YARS2: variants seen among roughly 807,000 people sequenced by gnomAD.
YARS2 encodes the protein tyrosine--tRNA ligase, mitochondrial.
Under a neutral mutation model 45.0 loss-of-function variants are expected in YARS2, and 38 were observed. The observed-to-expected ratio is 0.84, with a 90% CI of 0.65 to 1.11. The LOEUF (loss-of-function observed/expected upper bound fraction) is 1.11, where lower values mean the gene tolerates loss of function less well. Ranked by LOEUF, YARS2 falls within the 50% of genes least tolerant of loss-of-function variation. The pLI is 0.00. For missense variants in YARS2, 602 were observed against 599.8 expected (o/e 1.00, Z -0.04); for synonymous variants, 287 against 245.1 (o/e 1.17, Z -1.60).
rs758765794 is a variant in YARS2 at position 32,747,306 on chromosome 12, AG to A, written c.1331del (p.Pro444LeufsTer5). On this transcript the variant is annotated frameshift_variant, in exon 5 of 5. Transcript: ENST00000324868. LOFTEE classifies it high-confidence loss of function. ...VSINHQQVTN[P>X]ESVLIVGQHI... is the part of the protein sequence containing the mutation. The stretch of plus-strand genomic sequence containing the variant: ...GTTGTCCAACAATTAAAACACTCTC[AG>A]GATTTGTTACTTGTTGGTGATTTAT... 6.2e-7 allele frequency: 1 copy of A among 1,614,144 alleles called. No homozygotes were observed. The highest frequency in any genetic ancestry group is 8.5e-7 in the Non-Finnish European group (1 of 1,180,014).
intron 2 of YARS2, among the ~76,000 whole-genome samples, 197 bp downstream of exon 2, chr12:32,753,717 CCACT>C (rs1456951267): frequency 2.6e-5 from 4 of 152,140 alleles, no homozygotes; most frequent in South Asian, 2.1e-4. Context: ...TTCTAGCCAC[CCACT>C]GTTTTTCTGC....
chr12:32,754,015 T>C lies in YARS2; in HGVS notation c.850A>G (p.Lys284Glu). Residue 284 changes from lysine (K) to glutamate (E), a missense_variant, in exon 2 of 5, where the codon AAG becomes GAG. Physicochemically the swap from Lys to Glu is moderately conservative, Grantham distance 56. Coordinates refer to ENST00000324868, the MANE Select transcript of YARS2 (RefSeq NM_001040436.3). Reference protein sequence around the residue: ...ITSTTGAKLGKSAGNAVWLNR... With the variant: ...ITSTTGAKLGESAGNAVWLNR... ...AGCCAAACAGCGTTGCCAGCAGACT[T>C]TCCCAGCTTTGCTCCAGTTGTACTT... The C allele has an allele frequency of 6.2e-7, 1 of 1,614,190 alleles. No homozygotes were observed. The highest frequency in any genetic ancestry group is 8.5e-7 in the Non-Finnish European group (1 of 1,180,034).
chr12:32,755,788 A>T lies in YARS2; in HGVS notation c.87T>A (p.Arg29=). The T allele has an allele frequency of 6.2e-7, 1 of 1,613,860 alleles. No homozygotes were observed. Among genetic ancestry groups the T allele is most frequent in the Non-Finnish European group, 8.5e-7 (1 of 1,180,004 alleles). ...ACCCCTGAGCGCCCGAGTGGGCCTT[A>T]CGCAGCCCCAAGGGCAACAATACTG... The part of the protein sequence containing the change: ...NLSVLLPLGL[R]KAHSGAQGLL... The change falls in exon 1 of 5, where the codon CGT becomes CGA. Residue 29 remains arginine, a synonymous_variant. Transcript: ENST00000324868.
chr12:32,754,022 CT>C lies in YARS2; in HGVS notation c.842del (p.Lys281SerfsTer12), dbSNP rs768344665. 1.7e-4 allele frequency: 281 copies of C among 1,614,194 alleles called. No individual in the cohort carries two copies. Among genetic ancestry groups the C allele is most frequent in the Non-Finnish European group, 8.2e-5 (97 of 1,180,036 alleles). ...VPLITSTTGA[K>X]LGKSAGNAVW... ...CAGCGTTGCCAGCAGACTTTCCCAG[CT>C]TTGCTCCAGTTGTACTTGTAATTAG... On this transcript the variant is annotated frameshift_variant, in exon 2 of 5. Transcript: ENST00000324868. LOFTEE classifies it high-confidence loss of function.
At position 32,750,890 on chromosome 12, in the gene YARS2, TAAAG is replaced by T. The variant is rs767041170; in HGVS notation, c.948-20_948-17del. The T allele has an allele frequency of 1.6e-5, 26 of 1,613,168 alleles. No homozygotes were observed. The highest frequency in any genetic ancestry group is 2.2e-5 in the East Asian group (1 of 44,880). ...CTTCAGGTACCTTTGAGACAAAAAATAAAGAGTTACACTTATATAACATACCTAA... is the reference window on the plus strand; with the variant it reads ...CTTCAGGTACCTTTGAGACAAAAAATAGTTACACTTATATAACATACCTAA... On this transcript the variant is annotated splice_polypyrimidine_tract_variant and intron_variant, in intron 2 of 4. Coordinates refer to ENST00000324868, the MANE Select transcript of YARS2 (RefSeq NM_001040436.3).
chr12:32,748,736 C>CT (rs1955686182), intron 4 of YARS2, among the ~76,000 whole-genome samples: 1 of 152,202 alleles, frequency 6.6e-6, no homozygotes. Flanking sequence ...ACAATGGGTG[C>CT]TTTTTCCAGG....
intron 2 of YARS2, 34 bp downstream of exon 2, chr12:32,753,884 G>A (rs1326166890): frequency 6.8e-6 from 11 of 1,613,184 alleles, no homozygotes; most frequent in Non-Finnish European, 9.3e-6. Context: ...AGTTTATGGT[G>A]TCAGTTTTTC....
intron 2 of YARS2, among the ~76,000 whole-genome samples, chr12:32,753,670 A>C (rs1216062631): frequency 6.6e-6 from 1 of 152,230 alleles, no homozygotes; most frequent in African/African-American, 2.4e-5. Flanking sequence ...AATCCTAAGA[A>C]CTTGCTAGAT....
In YARS2 at chr12:32,747,031, A is replaced by G. The variant is rs1955652566; in HGVS notation, c.*173T>C. 6.5e-6 allele frequency: 4 copies of G among 619,914 alleles called. No homozygotes were observed. Among genetic ancestry groups the G allele is most frequent in the Non-Finnish European group, 1.1e-5 (4 of 360,634 alleles). The allele number at this position is 619,914 out of a possible 1,614,324, so 38.4% of individuals were successfully genotyped here. On this transcript the variant is annotated 3_prime_UTR_variant, in exon 5 of 5. Transcript: ENST00000324868. The stretch of plus-strand genomic sequence containing the variant: ...AGAAAATAAAACATCCCATTATTAA[A>G]CAAATATTTATTAACCGGCCCATAA...
chr12:32,751,375 T>C (rs987799291), intron 2 of YARS2, among the ~76,000 whole-genome samples: 1 of 152,106 alleles, frequency 6.6e-6, no homozygotes, highest in Admixed American at 6.5e-5. Flanking sequence ...GCCTCGTATT[T>C]TCTTTTTAAA....
At position 32,750,849 on chromosome 12, in the gene YARS2, G is replaced by A; in HGVS notation, c.973C>T (p.Pro325Ser). 6.2e-7 allele frequency: 1 copy of A among 1,614,072 alleles called. No homozygotes were observed. The highest frequency in any genetic ancestry group is 8.5e-7 in the Non-Finnish European group (1 of 1,180,016). ...ERYLKLFTFLPLPEIDHIMQL... is the reference protein window; with the variant it reads ...ERYLKLFTFLSLPEIDHIMQL... ...ATGATATGATCAATCTCTGGAAGGG[G>A]CAGGAAAGTGAACAGCTTCAGGTAC... The change falls in exon 3 of 5, where the codon CCC (proline) becomes TCC (serine). Residue 325 changes from proline to serine, a missense_variant. Pro to Ser is a moderately conservative substitution (Grantham distance 74). Transcript: ENST00000324868.
At chr12:32,753,043 G>A (rs893010255) in intron 2 of YARS2, among the ~76,000 whole-genome samples, 4 of 152,054 alleles carry the variant, frequency 2.6e-5, no homozygotes, top group South Asian at 2.1e-4. Context: ...GGCCGGGTGC[G>A]GGGGCTCATG....
intron 4 of YARS2, 127 bp downstream of exon 4, chr12:32,749,810 C>T (rs1955704022): frequency 9.3e-7 from 1 of 1,078,874 alleles, no homozygotes. Flanking sequence ...ATCTCCTGAC[C>T]TCGTGATCTG....
chr12:32,754,196 A>C (rs1333646118), intron 1 of YARS2, 111 bp from the exon 2 acceptor site: 1 of 1,228,496 alleles, frequency 8.1e-7, no homozygotes, highest in East Asian at 2.3e-5. Context: ...AACTTCCTTG[A>C]CCTCCTAAAT....
At chr12:32,748,313 A>C (rs1331610161) in intron 4 of YARS2, among the ~76,000 whole-genome samples, 1 of 152,134 alleles carries the variant, frequency 6.6e-6, no homozygotes, top group Non-Finnish European at 1.5e-5. Context: ...CTGGCCATGG[A>C]CATGGTTTTA....
intron 3 of YARS2, 129 bp downstream of exon 3, chr12:32,750,590 A>T: frequency 8.2e-7 from 1 of 1,220,288 alleles, no homozygotes; most frequent in South Asian, 1.3e-5. Context: ...GGGCTATTTT[A>T]AATTGCTAAG....
In YARS2 at chr12:32,755,224, G is replaced by T; in HGVS notation, c.651C>A (p.Ala217=). The T allele has an allele frequency of 1.2e-6, 2 of 1,614,130 alleles. No homozygotes were observed. The highest frequency in any genetic ancestry group is 1.7e-6 in the Non-Finnish European group (2 of 1,180,030). ...RLKSPEGMSL[A]EFFYQVLQAY... ...CCTGGAGCACCTGGTAAAAGAACTC[G>T]GCCAAGCTCATGCCCTCGGGGCTCT... is the stretch of plus-strand genomic sequence containing the variant. The change falls in exon 1 of 5, where the codon GCC becomes GCA. Residue 217 remains alanine (A), a synonymous_variant. Coordinates refer to ENST00000324868, the MANE Select transcript of YARS2 (RefSeq NM_001040436.3).
In YARS2 at chr12:32,747,953, G is replaced by GA. The variant is rs1955674241; in HGVS notation, c.1275-591dup. ...GTAGGTGAGGGCTGAACATTTCACT[G>GA]AAAAAAGAGATACTTAAACTGGGAG... On this transcript the variant is annotated intron_variant, in intron 4 of 4. Coordinates refer to ENST00000324868, the MANE Select transcript of YARS2 (RefSeq NM_001040436.3). 3.3e-5 allele frequency among the ~76,000 whole-genome samples: 5 copies of GA among 152,230 alleles called. No individual in the cohort carries two copies. In the South Asian group the frequency reaches 1.0e-3, roughly 32 times the overall value.
At chr12:32,749,377 T>C (rs949238876) in intron 4 of YARS2, among the ~76,000 whole-genome samples, 1 of 152,152 alleles carries the variant, frequency 6.6e-6, no homozygotes, top group Non-Finnish European at 1.5e-5. Context: ...TTTTCCAGTG[T>C]TGGAGGAAAG....
Sources: gnomAD v4.1 joint callset for allele counts (sites outside exome capture counted in the v4.1 genomes callset) on GRCh38, gnomAD v4.1.1 for gene constraint, MANE v1.5 for transcripts, NCBI Gene and HGNC (gene_info 2026-07-23, HGNC 2026-07-21) for gene names.